Variants in NAV3 observed in about 807,000 individuals in gnomAD.
NAV3 encodes neuron navigator 3, also known as pore membrane and/or filament interacting like protein 1.
NAV3 carries 87 observed loss-of-function variants against 244.7 expected under a neutral mutation model. That is an observed-to-expected ratio of 0.36 (90% CI 0.30 to 0.42). The LOEUF (loss-of-function observed/expected upper bound fraction) is 0.42. Among genes scored for constraint, NAV3 ranks in the 20% least tolerant of loss-of-function variants. The pLI, the probability that NAV3 is intolerant of heterozygous loss-of-function variation, is 1.00. For missense variants in NAV3, 2,663 were observed against 2,893.3 expected (o/e 0.92, Z 1.83); for synonymous variants, 1,126 against 1,042.2 (o/e 1.08, Z -1.55).
chr12:77,680,116 G>A (rs1051893878), intron 2 of NAV3, among the ~76,000 whole-genome samples: 1 of 152,152 alleles, frequency 6.6e-6, no homozygotes, highest in Admixed American at 6.6e-5. Context: ...AAGGCACAGG[G>A]AAAGGGGGTA....
At chr12:77,921,517 G>A (rs1351650237) in intron 1 of NAV3, among the ~76,000 whole-genome samples, 2 of 152,018 alleles carry the variant, frequency 1.3e-5, no homozygotes, top group Non-Finnish European at 2.9e-5. Flanking sequence ...TATTAGAGCA[G>A]GAAAATCATG....
At chr12:78,179,201 G>A (rs548147776) in intron 28 of NAV3, among the ~76,000 whole-genome samples, 14 of 151,736 alleles carry the variant, frequency 9.2e-5, no homozygotes, top group Non-Finnish European at 1.9e-4. Context: ...TGAAAATGTT[G>A]GAATGAAATG....
At chr12:77,678,642 G>C (rs1241869397) in intron 2 of NAV3, among the ~76,000 whole-genome samples, 2 of 152,116 alleles carry the variant, frequency 1.3e-5, no homozygotes, top group African/African-American at 2.4e-5. Context: ...CTAATGACCA[G>C]CTCAATTGTA....
At chr12:78,171,647 T>C (rs418684) in intron 24 of NAV3, among the ~76,000 whole-genome samples, 6,896 of 151,704 alleles carry the variant, frequency 0.045, 190 homozygotes, top group Non-Finnish European at 0.071. Flanking sequence ...TCTTATCACA[T>C]TGACCATTGA....
chr12:77,911,757 G>T (rs1886614176), intron 1 of NAV3, among the ~76,000 whole-genome samples: 1 of 151,988 alleles, frequency 6.6e-6, no homozygotes, highest in African/African-American at 2.4e-5. Context: ...ATGACCAAAT[G>T]TGTTTATTTT....
chr12:77,966,761 T>G (rs962038336), intron 4 of NAV3, among the ~76,000 whole-genome samples: 10 of 152,180 alleles, frequency 6.6e-5, no homozygotes, highest in African/African-American at 2.4e-4. Context: ...CTATGAAGTC[T>G]TAAATAATTA....
chr12:78,047,579 T>G (rs1882042305), intron 9 of NAV3, among the ~76,000 whole-genome samples: 1 of 152,204 alleles, frequency 6.6e-6, no homozygotes, highest in African/African-American at 2.4e-5. Context: ...AGAGATCCAC[T>G]GTTAGTCTGA....
At chr12:77,956,823 C>T (rs933691917) in intron 3 of NAV3, among the ~76,000 whole-genome samples, 2 of 151,266 alleles carry the variant, frequency 1.3e-5, no homozygotes, top group African/African-American at 4.9e-5. Context: ...CTCACTGCAA[C>T]CTCCTCCTCC....
At chr12:77,725,776 A>G (rs1245554480) in intron 2 of NAV3, among the ~76,000 whole-genome samples, 1 of 151,970 alleles carries the variant, frequency 6.6e-6, no homozygotes, top group Non-Finnish European at 1.5e-5. Context: ...GAAGTCCAAA[A>G]TGGGCCTCAC....
chr12:77,653,115 G>A (rs1872903227), intron 2 of NAV3, among the ~76,000 whole-genome samples: 1 of 152,164 alleles, frequency 6.6e-6, no homozygotes, highest in African/African-American at 2.4e-5. Context: ...TTTTCAAGAA[G>A]GGTTACAGAA....
intron 2 of NAV3, chr12:77,775,955 C>T (rs1311048399): frequency 6.6e-6 from 1 of 152,166 alleles, no homozygotes; most frequent in African/African-American, 2.4e-5. Flanking sequence ...TAAGAAAGAA[C>T]ATTTTATCTT....
rs183913996 is a variant in NAV3, at chr12:78,012,001, C to T, written c.1907+4556C>T. On this transcript the variant is annotated intron_variant, in intron 8 of 39. Coordinates refer to ENST00000397909, the MANE Select transcript of NAV3 (RefSeq NM_001024383.2). ...GCATGGGGGAAACTGCTCCCTTGGT[C>T]CCATCACTTCCCACCAGGTCCCTCC... Among the ~76,000 whole-genome samples, 60 of 147,440 alleles carry T rather than the reference C, an allele frequency of 4.1e-4. No homozygotes were observed. In the East Asian group the frequency reaches 0.011, roughly 26 times the overall value.
intron 5 of NAV3, among the ~76,000 whole-genome samples, chr12:77,989,259 G>A (rs1438613272): frequency 8.5e-5 from 13 of 152,108 alleles, no homozygotes; most frequent in Admixed American, 8.5e-4. Flanking sequence ...AAGAGTAGTA[G>A]AAGGACATAA....
chr12:77,740,449 A>G (rs911728325), intron 2 of NAV3, among the ~76,000 whole-genome samples: 3 of 152,060 alleles, frequency 2.0e-5, no homozygotes, highest in Admixed American at 6.5e-5. Flanking sequence ...AAAAAAAAAA[A>G]TCCATAGGAA....
intron 1 of NAV3, among the ~76,000 whole-genome samples, chr12:77,874,069 G>T (rs977700953): frequency 6.6e-6 from 1 of 151,800 alleles, no homozygotes; most frequent in Non-Finnish European, 1.5e-5. Context: ...CTCTTTATGA[G>T]AATTTAAGGC....
chr12:77,822,656 G>C (rs1042483894), intron 2 of NAV3, among the ~76,000 whole-genome samples: 21 of 151,818 alleles, frequency 1.4e-4, no homozygotes, highest in African/African-American at 5.1e-4. Context: ...AGCCAGGCCT[G>C]GATAATAAAC....
chr12:77,856,592 C>T (rs11107033), intron 1 of NAV3, among the ~76,000 whole-genome samples: 2,471 of 151,894 alleles, frequency 0.016, 65 homozygotes, highest in African/African-American at 0.057. Flanking sequence ...CCAGTGGAAA[C>T]AATGCCACAG....
chr12:77,600,824 C>T (rs750986043), intron 2 of NAV3, among the ~76,000 whole-genome samples: 8 of 152,046 alleles, frequency 5.3e-5, no homozygotes, highest in Non-Finnish European at 8.8e-5. Flanking sequence ...TGGGCTCTGG[C>T]TCCTAGTATC....
chr12:78,073,941 A>T (rs1197994658), intron 12 of NAV3, among the ~76,000 whole-genome samples: 2 of 152,222 alleles, frequency 1.3e-5, no homozygotes, highest in African/African-American at 4.8e-5. Context: ...TTTATAGCAG[A>T]GATATGTTCA....
Sources: gnomAD v4.1 joint callset for allele counts (sites outside exome capture counted in the v4.1 genomes callset) on GRCh38, gnomAD v4.1.1 for gene constraint, MANE v1.5 for transcripts, NCBI Gene and HGNC (gene_info 2026-07-23, HGNC 2026-07-21) for gene names.